Variants in TIMM23 observed in about 807,000 individuals in gnomAD.
The protein encoded by TIMM23 is mitochondrial import inner membrane translocase subunit Tim23.
Under a neutral mutation model 30.7 loss-of-function variants are expected in TIMM23, and 19 were observed. The observed-to-expected ratio is 0.62, with a 90% CI of 0.43 to 0.91. The LOEUF (loss-of-function observed/expected upper bound fraction) is 0.91. Among genes scored for constraint, TIMM23 ranks in the 40% least tolerant of loss-of-function variants. The probability of loss-of-function intolerance (pLI) is 0.00; values close to 1 mark genes in which losing one functional copy is unlikely to be tolerated. For synonymous variants in TIMM23, 78 were observed against 98.5 expected (o/e 0.79, Z 1.23); for missense variants, 202 against 269.2 (o/e 0.75, Z 1.75).
intron 1 of TIMM23, among the ~76,000 whole-genome samples, chr10:45,974,162 G>GT (rs1554912463): frequency 0.56 from 83,626 of 149,712 alleles, 23,729 homozygotes; most frequent in Admixed American, 0.66. Flanking sequence ...TTTTTGTGGG[G>GT]GTTTTTTTTG....
chr10:45,975,947 G>A (rs1363913563), intron 2 of TIMM23, among the ~76,000 whole-genome samples: 2 of 152,038 alleles, frequency 1.3e-5, no homozygotes, highest in Admixed American at 6.6e-5. Flanking sequence ...GACTACAGGC[G>A]CCCACCACCA....
chr10:45,973,923 G>A (rs1283234514), intron 1 of TIMM23, among the ~76,000 whole-genome samples: 6 of 152,006 alleles, frequency 3.9e-5, no homozygotes, highest in Non-Finnish European at 7.4e-5. Context: ...AAAATGCTGG[G>A]ATTCCTAGGC....
At chr10:46,002,519 G>C (rs1363968346) in intron 6 of TIMM23, 3 of 984,084 alleles carry the variant, frequency 3.0e-6, no homozygotes, top group African/African-American at 3.5e-5. Flanking sequence ...GAGTCCAAAG[G>C]TTGTTAATAC....
chr10:45,989,507 T>G (rs1185635460), intron 6 of TIMM23, among the ~76,000 whole-genome samples: 2 of 152,234 alleles, frequency 1.3e-5, no homozygotes, highest in African/African-American at 4.8e-5. Context: ...AGTGGAATTC[T>G]TGGATCATAT....
intron 6 of TIMM23, among the ~76,000 whole-genome samples, chr10:45,989,587 G>T (rs1471248950): frequency 1.3e-5 from 2 of 151,956 alleles, no homozygotes; most frequent in Admixed American, 6.6e-5. Flanking sequence ...TTTTAGTTTA[G>T]TTTTTTTAAT....
chr10:46,003,120 CA>C, intron 6 of TIMM23, 82 bp from the exon 7 acceptor site: 1 of 1,145,926 alleles, frequency 8.7e-7, no homozygotes, highest in Non-Finnish European at 1.3e-6. Context: ...GCCCATTTCA[CA>C]GTACTTTTTA....
intron 6 of TIMM23, 60 bp from the exon 7 acceptor site, chr10:46,003,143 C>A: frequency 7.5e-7 from 1 of 1,335,236 alleles, no homozygotes. Context: ...TTAACCCTAT[C>A]GTGCTAGGGC....
intron 4 of TIMM23, among the ~76,000 whole-genome samples, chr10:45,983,727 A>G (rs1234840535): frequency 6.6e-6 from 1 of 152,138 alleles, no homozygotes; most frequent in Admixed American, 6.5e-5. Context: ...GACCATGGGA[A>G]ACTGGAAGGC....
At chr10:45,996,023 G>C (rs2813145) in intron 6 of TIMM23, among the ~76,000 whole-genome samples, 1 of 148,632 alleles carries the variant, frequency 6.7e-6, no homozygotes, top group African/African-American at 2.6e-5. Flanking sequence ...GCTGCCTTTC[G>C]GAGGCAAGAA....
intron 5 of TIMM23, among the ~76,000 whole-genome samples, chr10:45,986,929 T>A (rs1838010117): frequency 1.3e-5 from 2 of 151,710 alleles, no homozygotes; most frequent in Admixed American, 1.3e-4. Flanking sequence ...TAGAAATAGC[T>A]ACTATTGATG....
chr10:45,992,374 C>A lies in TIMM23; in HGVS notation c.514+3527C>A. On this transcript the variant is annotated intron_variant, in intron 6 of 6. Transcript: ENST00000580018. ...TTTTCTGTGGGTGGGAGGAATTGTC[C>A]TAGATCTCTTTGAGGGTCTTATGAA... 4 of 455,296 alleles carry A rather than the reference C, an allele frequency of 8.8e-6. 1 individual carries two copies. Among genetic ancestry groups the A allele is most frequent in the South Asian group, 6.2e-5 (4 of 64,464 alleles). The allele number at this position is 455,296 out of a possible 1,614,324, so 28.2% of individuals were successfully genotyped here.
chr10:45,990,600 T>G (rs1838137837), intron 6 of TIMM23: 1 of 373,696 alleles, frequency 2.7e-6, no homozygotes, highest in Non-Finnish European at 5.1e-6. Context: ...TTTTTTTTTC[T>G]TTATCGGAGA....
intron 6 of TIMM23, among the ~76,000 whole-genome samples, chr10:46,001,725 T>A (rs1040527758): frequency 2.6e-5 from 4 of 152,198 alleles, no homozygotes; most frequent in African/African-American, 9.6e-5. Flanking sequence ...CTGAAGTTTA[T>A]GATCCCTACT....
chr10:45,991,894 G>C (rs1838173808), intron 6 of TIMM23, among the ~76,000 whole-genome samples: 3 of 151,980 alleles, frequency 2.0e-5, no homozygotes. Flanking sequence ...AGCTGTCCTG[G>C]GCTCCCTCAC....
chr10:46,002,387 G>A, intron 6 of TIMM23: 2 of 330,024 alleles, frequency 6.1e-6, no homozygotes, highest in Non-Finnish European at 8.7e-6. Flanking sequence ...TGTTGCCTAG[G>A]TTGTTCTCAA....
intron 6 of TIMM23, among the ~76,000 whole-genome samples, chr10:45,994,381 A>G (rs1469966995): frequency 6.9e-6 from 1 of 144,956 alleles, no homozygotes; most frequent in Non-Finnish European, 1.5e-5. Context: ...AAAATAAATT[A>G]CTCTCTATCT....
rs906298213 is a variant in TIMM23 at position 46,003,538 on chromosome 10, A to G, written c.*220A>G. 4 of 453,618 alleles carry G rather than the reference A, an allele frequency of 8.8e-6. No individual in the cohort carries two copies. Among genetic ancestry groups the G allele is most frequent in the Non-Finnish European group, 1.6e-5 (4 of 247,094 alleles). 28.1% of individuals were successfully genotyped at this position (453,618 alleles called of 1,614,324 possible). On this transcript the variant is annotated 3_prime_UTR_variant, in exon 7 of 7. Coordinates refer to ENST00000580018, the MANE Select transcript of TIMM23 (RefSeq NM_006327.4). ...GCCCTTTGGTGACTCACTGAGTACC[A>G]TGGTTCTGTTCTCCTCTGGAGATCT... is the stretch of plus-strand genomic sequence containing the variant.
intron 6 of TIMM23, among the ~76,000 whole-genome samples, chr10:45,994,811 T>TTGC (rs1838280152): frequency 6.6e-6 from 1 of 151,980 alleles, no homozygotes; most frequent in South Asian, 2.1e-4. Flanking sequence ...TCAGCAGGGA[T>TTGC]TAGCCATTCC....
intron 6 of TIMM23, among the ~76,000 whole-genome samples, chr10:45,991,026 C>T (rs1838149417): frequency 6.6e-6 from 1 of 152,190 alleles, no homozygotes; most frequent in South Asian, 2.1e-4. Flanking sequence ...TCTAGTGCAT[C>T]AAACTCTAGT....
Sources: allele counts gnomAD v4.1 joint callset (sites outside exome capture counted in the v4.1 genomes callset), GRCh38; gene constraint gnomAD v4.1.1; transcripts MANE v1.5; gene names NCBI Gene and HGNC (gene_info 2026-07-23, HGNC 2026-07-21).